LCTL: variants seen among roughly 807,000 people sequenced by gnomAD.
The protein encoded by LCTL is lactase like, also known as lactase-like protein.
LCTL carries 76 observed loss-of-function variants against 75.8 expected under a neutral mutation model. The observed-to-expected ratio is 1.00, with a 90% CI of 0.83 to 1.21. The LOEUF (loss-of-function observed/expected upper bound fraction) is 1.21. Among genes scored for constraint, LCTL ranks in the 50% most tolerant of loss-of-function variants. The pLI, the probability that LCTL is intolerant of heterozygous loss-of-function variation, is 0.00. For synonymous variants in LCTL, 271 were observed against 268.8 expected (o/e 1.01, Z -0.08); for missense variants, 670 against 712.4 (o/e 0.94, Z 0.68).
Position 66,562,588 on chromosome 15 carries a change from C to CT in LCTL, c.480+927dup, listed in dbSNP as rs34408899. 1.9e-3 allele frequency among the ~76,000 whole-genome samples: 272 copies of CT among 142,630 alleles called. 1 individual carries two copies. The highest frequency in any genetic ancestry group is 4.2e-3 in the African/African-American group (164 of 39,050). 93.6% of individuals were successfully genotyped at this position (142,630 alleles called of 152,430 possible). Reference sequence around the variant, plus strand: ...TGTTCATTATGCTATGTCGCCAGATCTTTTTTTTTTTTTTAGACGGAATTT... The same window carrying CT: ...TGTTCATTATGCTATGTCGCCAGATCTTTTTTTTTTTTTTTAGACGGAATTT... On this transcript the variant is annotated intron_variant, in intron 4 of 12. Transcript: ENST00000341509.
At chr15:66,555,229 C>A (rs1287550460) in intron 8 of LCTL, among the ~76,000 whole-genome samples, 1 of 152,090 alleles carries the variant, frequency 6.6e-6, no homozygotes, top group African/African-American at 2.4e-5. Context: ...TGCACTGATA[C>A]AATAGCCACT....
chr15:66,565,371 C>G (rs760035941), exon 1 of LCTL: 1 of 1,568,228 alleles, frequency 6.4e-7, no homozygotes, highest in Non-Finnish European at 8.7e-7. Context: ...TTCATGGTGC[C>G]TGGCCCTCCC....
intron 8 of LCTL, among the ~76,000 whole-genome samples, chr15:66,556,639 G>A (rs957903207): frequency 6.6e-6 from 1 of 152,126 alleles, no homozygotes; most frequent in African/African-American, 2.4e-5. Context: ...AAAAAGGAAG[G>A]AAATTCTGAC....
At chr15:66,555,901 C>T (rs892653540) in intron 8 of LCTL, among the ~76,000 whole-genome samples, 3 of 152,166 alleles carry the variant, frequency 2.0e-5, no homozygotes, top group African/African-American at 7.2e-5. Context: ...TGTATAAGCA[C>T]ATGAAAAGAT....
exon 5 of LCTL, chr15:66,561,219 C>A (rs1567061634): frequency 1.2e-6 from 2 of 1,614,144 alleles, no homozygotes; most frequent in South Asian, 2.2e-5. Context: ...CAGTGCTTCA[C>A]ACGGTCCCCA....
chr15:66,565,102 G>A, intron 1 of LCTL, 146 bp downstream of exon 2: 1 of 710,508 alleles, frequency 1.4e-6, no homozygotes, highest in South Asian at 1.6e-5. Context: ...AAAAATATCT[G>A]TTAGGAGCTT....
chr15:66,555,002 A>T (rs1014335957), intron 8 of LCTL, among the ~76,000 whole-genome samples: 3 of 152,200 alleles, frequency 2.0e-5, no homozygotes, highest in Non-Finnish European at 4.4e-5. Context: ...AAAGACTTTT[A>T]ATATATAAAT....
In LCTL at chr15:66,553,191, G is replaced by A. The variant is rs1254180375; in HGVS notation, c.990C>T (p.Ser330=). ...AGAAATCGGATGTGCCTTTAATGTAGCTCTTCTCCTGGAGTGAGAACACCG... is the reference window on the plus strand; with the variant it reads ...AGAAATCGGATGTGCCTTTAATGTAACTCTTCTCCTGGAGTGAGAACACCG... Residue 330 remains serine, a synonymous_variant, in exon 9 of 13, where the codon AGC becomes AGT. Transcript: ENST00000341509. 2.5e-6 allele frequency: 4 copies of A among 1,609,672 alleles called. No homozygotes were observed. In the African/African-American group the frequency reaches 4.0e-5, roughly 16 times the overall value.
chr15:66,556,224 C>T (rs1221312230), intron 8 of LCTL, among the ~76,000 whole-genome samples: 1 of 152,108 alleles, frequency 6.6e-6, no homozygotes, highest in Admixed American at 6.5e-5. Flanking sequence ...GCATTATTCA[C>T]AATAGCTAAA....
At chr15:66,565,756 TC>T, upstream of LCTL, 1 of 186,824 alleles carries the variant, frequency 5.4e-6, no homozygotes, top group Non-Finnish European at 1.1e-5. Flanking sequence ...CGCAGACCCC[TC>T]CCCCAAGCCG....
chr15:66,553,116 G>A, exon 9 of LCTL: 1 of 1,611,722 alleles, frequency 6.2e-7, no homozygotes, highest in South Asian at 1.1e-5. Flanking sequence ...CCTGGCGGGA[G>A]GGGTAGTTCC....
rs984191758 is a variant in LCTL, at chr15:66,557,634, A to C, written c.922+88T>G. The C allele has an allele frequency of 1.0e-5, 14 of 1,336,806 alleles. No individual in the cohort carries two copies. The African/African-American group carries it at 1.7e-4, about 17-fold the overall frequency. The allele number at this position is 1,336,806 out of a possible 1,614,324, so 82.8% of individuals were successfully genotyped here. The stretch of plus-strand genomic sequence containing the variant: ...TTGAGTACCTCACCCAGGCCCAGTG[A>C]GCTCTTCATCCCCCTGCCTTTTGCT... On this transcript the variant is annotated intron_variant, in intron 8 of 12. Transcript: ENST00000341509.
intron 9 of LCTL, 73 bp from the exon 11 acceptor site, chr15:66,552,242 T>C (rs1895625780): frequency 6.3e-6 from 8 of 1,261,530 alleles, no homozygotes; most frequent in African/African-American, 3.0e-5. Flanking sequence ...CAGAGGCTCA[T>C]ATAGGAACAC....
At chr15:66,556,858 A>G (rs1462475824) in intron 8 of LCTL, among the ~76,000 whole-genome samples, 1 of 152,160 alleles carries the variant, frequency 6.6e-6, no homozygotes, top group Non-Finnish European at 1.5e-5. Context: ...GCACATTATG[A>G]AAGTATTTTA....
chr15:66,565,503 C>T (rs964399780), upstream of LCTL: 2 of 599,856 alleles, frequency 3.3e-6, no homozygotes, highest in East Asian at 3.0e-5. Context: ...TGATCTGCAC[C>T]CAGCAGCAGA....
At chr15:66,549,060 A>G (rs917678513) in intron 12 of LCTL, 1 of 152,850 alleles carries the variant, frequency 6.5e-6, no homozygotes. Flanking sequence ...GTTCTTGTAT[A>G]GTTAAATAAT....
At chr15:66,559,048 G>T (rs1295522722) in intron 6 of LCTL, among the ~76,000 whole-genome samples, 2 of 149,100 alleles carry the variant, frequency 1.3e-5, no homozygotes, top group African/African-American at 4.9e-5. Context: ...TTTTTTTCTT[G>T]AGATGGGGTC....
chr15:66,565,025 C>T (rs1391904606), intron 1 of LCTL, among the ~76,000 whole-genome samples, 186 bp from the exon 3 acceptor site: 1 of 152,160 alleles, frequency 6.6e-6, no homozygotes, highest in African/African-American at 2.4e-5. Flanking sequence ...ATATTAAAAA[C>T]ATTTTTTGCA....
intron 4 of LCTL, among the ~76,000 whole-genome samples, 182 bp downstream of exon 5, chr15:66,563,334 A>G (rs1468148549): frequency 6.6e-6 from 1 of 152,240 alleles, no homozygotes; most frequent in African/African-American, 2.4e-5. Context: ...TTCCATTGCA[A>G]CAGCAAAAGT....
Sources: allele counts gnomAD v4.1 joint callset (sites outside exome capture counted in the v4.1 genomes callset), GRCh38; gene constraint gnomAD v4.1.1; transcripts MANE v1.5; gene names NCBI Gene and HGNC (gene_info 2026-07-23, HGNC 2026-07-21).